RSRC1: variants seen among roughly 807,000 people sequenced by gnomAD.
RSRC1 encodes the protein serine/Arginine-related protein 53.
A neutral mutation model predicts 49.1 loss-of-function variants in RSRC1; 39 were observed. The ratio of observed to expected loss-of-function variants is 0.79; its 90% CI spans 0.61 to 1.04. The LOEUF (loss-of-function observed/expected upper bound fraction) is 1.04. Ranked by LOEUF, RSRC1 falls within the 50% of genes least tolerant of loss-of-function variation. RSRC1 has a pLI of 0.00. For synonymous variants in RSRC1, 143 were observed against 130.8 expected (o/e 1.09, Z -0.63); for missense variants, 388 against 402.4 (o/e 0.96, Z 0.31).
At chr3:158,379,754 C>T (rs1435562199) in intron 6 of RSRC1, among the ~76,000 whole-genome samples, 2 of 151,678 alleles carry the variant, frequency 1.3e-5, no homozygotes, top group African/African-American at 4.8e-5. Context: ...GGTCATTACT[C>T]AGATGTCATC....
chr3:158,224,211 T>C (rs981725888), intron 4 of RSRC1, among the ~76,000 whole-genome samples: 2 of 151,906 alleles, frequency 1.3e-5, no homozygotes, highest in African/African-American at 4.8e-5. Context: ...TCATCACCTT[T>C]ATCTGTAACT....
Position 158,537,193 on chromosome 3 carries a change from A to C in RSRC1, c.754A>C (p.Lys252Gln), listed in dbSNP as rs769950239. The C allele has an allele frequency of 3.6e-5, 57 of 1,573,300 alleles. No individual in the cohort carries two copies. The Middle Eastern group carries it at 1.4e-3, about 38-fold the overall frequency. Residue 252 changes from lysine (K) to glutamine (Q), a missense_variant, in exon 8 of 10, where the codon AAA becomes CAA. Physicochemically the swap from Lys to Gln is moderately conservative, Grantham distance 53 (BLOSUM62 1). Coordinates refer to ENST00000611884, the MANE Select transcript of RSRC1 (RefSeq NM_001271838.2). ...GACATTCAGATCAAGTAAAGAAGTCAAAAAGGTAAGTTTTTATCCACCCAT... is the reference window on the plus strand; with the variant it reads ...GACATTCAGATCAAGTAAAGAAGTCCAAAAGGTAAGTTTTTATCCACCCAT... ...QQTFRSSKEV[K>Q]KSVEPSEVKQ...
intron 6 of RSRC1, among the ~76,000 whole-genome samples, chr3:158,455,367 G>T (rs1277644406): frequency 2.0e-5 from 3 of 152,072 alleles, no homozygotes; most frequent in Non-Finnish European, 4.4e-5. Context: ...GAAACGGCAT[G>T]AGTCGGACAC....
intron 6 of RSRC1, among the ~76,000 whole-genome samples, chr3:158,371,170 A>G (rs924613789): frequency 4.6e-5 from 7 of 151,874 alleles, no homozygotes; most frequent in Non-Finnish European, 1.5e-5. Flanking sequence ...TCTAAATACA[A>G]ATCAGTTATA....
intron 7 of RSRC1, among the ~76,000 whole-genome samples, chr3:158,485,259 A>C (rs961072976): frequency 1.3e-5 from 2 of 152,048 alleles, no homozygotes; most frequent in African/African-American, 4.8e-5. Context: ...TTTTTGGTGA[A>C]TCACTGAAAT....
At chr3:158,318,171 G>A (rs1383608046) in intron 5 of RSRC1, among the ~76,000 whole-genome samples, 110 of 152,156 alleles carry the variant, frequency 7.2e-4, no homozygotes, top group Non-Finnish European at 5.9e-5. Flanking sequence ...GACAACCCCT[G>A]CCCTGGAGCA....
intron 7 of RSRC1, among the ~76,000 whole-genome samples, chr3:158,517,075 G>A (rs1422673987): frequency 2.0e-5 from 3 of 152,170 alleles, no homozygotes; most frequent in African/African-American, 7.2e-5. Context: ...CTCACGCTGG[G>A]AGCCATAGAC....
chr3:158,201,744 A>G lies in RSRC1; in HGVS notation c.321-1328A>G, dbSNP rs569400139. Among the ~76,000 whole-genome samples the G allele has an allele frequency of 1.8e-3, 269 of 152,302 alleles. 1 individual carries two copies. The highest frequency in any genetic ancestry group is 3.4e-3 in the Non-Finnish European group (233 of 68,018). On this transcript the variant is annotated intron_variant, in intron 3 of 9. Coordinates refer to ENST00000611884, the MANE Select transcript of RSRC1 (RefSeq NM_001271838.2). ...GAGATTGCTTAACTTTATCTTCATT[A>G]TAAGCCTAGTTACACTTAATGCTTT...
chr3:158,210,651 A>G (rs1008557875), intron 4 of RSRC1, among the ~76,000 whole-genome samples: 6 of 152,054 alleles, frequency 3.9e-5, no homozygotes, highest in African/African-American at 1.4e-4. Flanking sequence ...TTTATATTAC[A>G]GCAAAATTTA....
chr3:158,135,685 C>T (rs1216620902), intron 3 of RSRC1, among the ~76,000 whole-genome samples: 1 of 151,982 alleles, frequency 6.6e-6, no homozygotes, highest in Admixed American at 6.6e-5. Context: ...GATAGGACCT[C>T]CTTTATTTCA....
intron 4 of RSRC1, among the ~76,000 whole-genome samples, chr3:158,228,942 ATATGTGTGTATAAACACACATACGTGTAT>A (rs1722701121): frequency 1.4e-5 from 2 of 144,104 alleles, no homozygotes; most frequent in African/African-American, 2.6e-5. Flanking sequence ...ACATACGTGT[ATATGTGTGTATAAACACACATACGTGTAT>A]ATGTGTGTAT....
At chr3:158,304,678 A>G (rs1309159712) in intron 5 of RSRC1, among the ~76,000 whole-genome samples, 3 of 152,174 alleles carry the variant, frequency 2.0e-5, no homozygotes, top group Non-Finnish European at 4.4e-5. Flanking sequence ...TAAGGATGTC[A>G]GCATAATAGA....
chr3:158,151,982 C>T (rs534877185), intron 3 of RSRC1, among the ~76,000 whole-genome samples: 1 of 151,690 alleles, frequency 6.6e-6, no homozygotes, highest in Non-Finnish European at 1.5e-5. Flanking sequence ...AAGTTAGAGC[C>T]TTTGATTATG....
chr3:158,426,549 G>A (rs1284874557), intron 6 of RSRC1, among the ~76,000 whole-genome samples: 1 of 151,640 alleles, frequency 6.6e-6, no homozygotes, highest in East Asian at 2.0e-4. Flanking sequence ...ACTACCAGAT[G>A]ATAATAAGAA....
intron 3 of RSRC1, among the ~76,000 whole-genome samples, chr3:158,179,567 A>G (rs555130515): frequency 6.6e-6 from 1 of 152,166 alleles, no homozygotes; most frequent in Admixed American, 6.5e-5. Context: ...GTTGTTGTGT[A>G]TATCAGTAAC....
intron 6 of RSRC1, among the ~76,000 whole-genome samples, chr3:158,370,648 A>G (rs1258571739): frequency 6.6e-6 from 1 of 151,750 alleles, no homozygotes; most frequent in African/African-American, 2.4e-5. Context: ...TTATTCATTC[A>G]GCAGTTGGTG....
intron 4 of RSRC1, among the ~76,000 whole-genome samples, chr3:158,292,949 G>T (rs1338943026): frequency 1.3e-5 from 2 of 152,246 alleles, no homozygotes; most frequent in East Asian, 3.9e-4. Flanking sequence ...AAATTTGAGT[G>T]TAGGCACTCT....
At chr3:158,162,711 G>A (rs1718304583) in intron 3 of RSRC1, among the ~76,000 whole-genome samples, 1 of 152,046 alleles carries the variant, frequency 6.6e-6, no homozygotes, top group Admixed American at 6.5e-5. Context: ...TATTCTGAGG[G>A]GCTGATATCA....
In RSRC1 at chr3:158,231,519, A is replaced by G. The variant is rs186837839; in HGVS notation, c.494+28274A>G. Among the ~76,000 whole-genome samples, 12 of 152,208 alleles carry G rather than the reference A, an allele frequency of 7.9e-5. No homozygotes were observed. The East Asian group carries it at 2.1e-3, about 27-fold the overall frequency. On this transcript the variant is annotated intron_variant, in intron 4 of 9. Transcript: ENST00000611884. ...TCCTGAATAAATGACTTTTATTTGA[A>G]GTTAGCATTTTCTAATTCTCTGGTC...
Sources: allele counts gnomAD v4.1 joint callset (sites outside exome capture counted in the v4.1 genomes callset), GRCh38; gene constraint gnomAD v4.1.1; transcripts MANE v1.5; gene names NCBI Gene and HGNC (gene_info 2026-07-23, HGNC 2026-07-21).